The following BCAT1 variants were observed in gnomAD, a reference collection of about 807,000 sequenced individuals.
The protein encoded by BCAT1 is branched-chain-amino-acid aminotransferase, cytosolic.
A neutral mutation model predicts 52.4 loss-of-function variants in BCAT1; 48 were observed. That is an observed-to-expected ratio of 0.92 (90% confidence interval 0.73 to 1.16). The LOEUF (loss-of-function observed/expected upper bound fraction) is 1.16, where lower values mean the gene tolerates loss of function less well. Among genes scored for constraint, BCAT1 ranks in the 50% most tolerant of loss-of-function variants. BCAT1 has a pLI of 0.00. For synonymous variants in BCAT1, 167 were observed against 161.3 expected, an observed-to-expected ratio of 1.04 and a Z score of -0.27; for missense variants, 451 against 457.1, an observed-to-expected ratio of 0.99 and a Z score of 0.12.
At chr12:24,830,158 T>C (rs935460444) in intron 9 of BCAT1, 2 of 319,322 alleles carry the variant, frequency 6.3e-6, no homozygotes, top group Admixed American at 5.0e-5. Context: ...TATACCAGCC[T>C]TCAGGATCAT....
intron 7 of BCAT1, among the ~76,000 whole-genome samples, chr12:24,837,423 C>A (rs1941026960): frequency 6.7e-6 from 1 of 149,848 alleles, no homozygotes; most frequent in African/African-American, 2.4e-5. Flanking sequence ...CCACGCTGCC[C>A]TTGGAAAGTC....
intron 10 of BCAT1, among the ~76,000 whole-genome samples, chr12:24,818,663 T>C (rs1459708159): frequency 6.6e-6 from 1 of 152,196 alleles, no homozygotes; most frequent in African/African-American, 2.4e-5. Context: ...AGAGACTCTG[T>C]TCTCTAAATC....
intron 1 of BCAT1, among the ~76,000 whole-genome samples, chr12:24,918,036 A>G (rs146640592): frequency 1.2e-3 from 184 of 152,342 alleles, no homozygotes; most frequent in African/African-American, 4.1e-3. Flanking sequence ...AGAAAGAAGC[A>G]AAGTCTCACT....
Position 24,810,254 on chromosome 12 carries a change from A to G in BCAT1, c.*7754T>C, listed in dbSNP as rs2255206. 0.61 allele frequency: 93,400 copies of G among 151,956 alleles called. 29,112 individuals carry two copies. Among genetic ancestry groups the G allele is most frequent in the Non-Finnish European group, 0.65 (44,004 of 67,946 alleles). 9.4% of individuals were successfully genotyped at this position (151,956 alleles called of 1,614,324 possible). On this transcript the variant is annotated 3_prime_UTR_variant, in exon 11 of 11. Coordinates refer to ENST00000261192, the MANE Select transcript of BCAT1 (RefSeq NM_005504.7). ...CAGAAATGCGATCCTGCAAGTTGTC[A>G]CCACTATACATAAAGTCAGGCTATG...
At chr12:24,937,513 TTTG>T (rs1345987783) in intron 1 of BCAT1, among the ~76,000 whole-genome samples, 4 of 146,386 alleles carry the variant, frequency 2.7e-5, no homozygotes, top group Non-Finnish European at 4.7e-5. Context: ...TTTTTGTTTG[TTTG>T]TTTGTTTGCT....
rs71448094 is a variant in BCAT1, at chr12:24,898,520, C to CTTTTTTTTTTTTTTTTTTTTTTTT, written c.78+3270_78+3293dup. 3.9e-4 allele frequency among the ~76,000 whole-genome samples: 15 copies of CTTTTTTTTTTTTTTTTTTTTTTTT among 38,526 alleles called. 5 individuals carry two copies. The highest frequency in any genetic ancestry group is 1.0e-3 in the Admixed American group (2 of 1,982). The allele number at this position is 38,526 out of a possible 152,430, so 25.3% of individuals were successfully genotyped here. On this transcript the variant is annotated intron_variant, in intron 2 of 10. Transcript: ENST00000261192. ...TGTTTCAGCCAGGGTTCAGTCAACA[C>CTTTTTTTTTTTTTTTTTTTTTTTT]TTTTTTTTTTTTTTTTTTTTTTTTT...
At chr12:24,940,314 TCG>T (rs142166817) in intron 1 of BCAT1, among the ~76,000 whole-genome samples, 5,882 of 152,294 alleles carry the variant, frequency 0.039, 121 homozygotes, top group South Asian at 0.067. Context: ...ATTTCAAGCT[TCG>T]AAGTGTTGTC....
At chr12:24,898,029 A>G (rs1240180902) in intron 2 of BCAT1, among the ~76,000 whole-genome samples, 1 of 152,206 alleles carries the variant, frequency 6.6e-6, no homozygotes, top group East Asian at 1.9e-4. Context: ...AGAATTGAAT[A>G]AAGTTCAAAC....
rs961035501 is a variant in BCAT1, at chr12:24,836,572, A to G, written c.842T>C (p.Leu281Pro). The G allele has an allele frequency of 1.2e-6, 2 of 1,612,550 alleles. No individual in the cohort carries two copies. The highest frequency in any genetic ancestry group is 2.7e-5 in the African/African-American group (2 of 74,906). The change falls in exon 8 of 11, where the codon CTA (leucine) becomes CCA (proline). Residue 281 changes from leucine (L) to proline (P), a missense_variant. Transcript: ENST00000261192. ...CACTCCTGGAAGAATGATGCCATCT[A>G]GTGGAGGAGTTGCCAGTTCTTCTTC... ...DGEEELATPPLDGIILPGVTR... is the reference protein window; with the variant it reads ...DGEEELATPPPDGIILPGVTR...
At position 24,836,664 on chromosome 12, in the gene BCAT1, AT is replaced by A. The variant is rs547834645; in HGVS notation, c.818-69del. 2,063 of 1,297,872 alleles carry A rather than the reference AT, an allele frequency of 1.6e-3. 6 individuals carry two copies. The highest frequency in any genetic ancestry group is 2.0e-3 in the Non-Finnish European group (1,871 of 916,832). The allele number at this position is 1,297,872 out of a possible 1,614,324, so 80.4% of individuals were successfully genotyped here. On this transcript the variant is annotated intron_variant, in intron 7 of 10. Coordinates refer to ENST00000261192, the MANE Select transcript of BCAT1 (RefSeq NM_005504.7). ...TAGGCATGCCTTATTATCAATAGCC[AT>A]TTTTTTAAAAAACCATCACAATTTT...
At chr12:24,841,579 C>T (rs947832246) in intron 7 of BCAT1, among the ~76,000 whole-genome samples, 6 of 152,040 alleles carry the variant, frequency 3.9e-5, no homozygotes, top group South Asian at 4.1e-4. Context: ...AAACAAAAAA[C>T]GAAAAACAAA....
At chr12:24,847,141 C>T (rs750362505) in intron 6 of BCAT1, among the ~76,000 whole-genome samples, 2 of 152,202 alleles carry the variant, frequency 1.3e-5, no homozygotes, top group Non-Finnish European at 2.9e-5. Flanking sequence ...AATGAGGAAA[C>T]TGATACATAG....
chr12:24,856,266 C>T (rs1941678874), intron 5 of BCAT1, among the ~76,000 whole-genome samples: 1 of 152,082 alleles, frequency 6.6e-6, no homozygotes, highest in Non-Finnish European at 1.5e-5. Context: ...CTCTACACAC[C>T]CCACGCTCAA....
At chr12:24,882,759 C>T (rs1942539753) in intron 3 of BCAT1, among the ~76,000 whole-genome samples, 1 of 151,766 alleles carries the variant, frequency 6.6e-6, no homozygotes. Context: ...CCACCACGCC[C>T]AAGTTAATTT....
chr12:24,824,389 C>A (rs1256003278), intron 10 of BCAT1, among the ~76,000 whole-genome samples: 2 of 151,874 alleles, frequency 1.3e-5, no homozygotes, highest in East Asian at 3.9e-4. Flanking sequence ...GTCTCACATT[C>A]CTGGCCTCAA....
At chr12:24,886,527 C>T (rs1481214163) in intron 3 of BCAT1, among the ~76,000 whole-genome samples, 1 of 152,176 alleles carries the variant, frequency 6.6e-6, no homozygotes, top group African/African-American at 2.4e-5. Context: ...GACAATCACA[C>T]AACTCCTTTT....
chr12:24,820,698 G>T (rs928410461), intron 10 of BCAT1, among the ~76,000 whole-genome samples: 1 of 152,128 alleles, frequency 6.6e-6, no homozygotes, highest in African/African-American at 2.4e-5. Context: ...GAGCCCATGT[G>T]GAAGACTTAA....
At chr12:24,818,571 T>A (rs1566549367) in intron 10 of BCAT1, among the ~76,000 whole-genome samples, 2 of 152,148 alleles carry the variant, frequency 1.3e-5, no homozygotes, top group Non-Finnish European at 2.9e-5. Context: ...TCAGCAAGCA[T>A]CAAATGATTC....
At chr12:24,919,104 T>C (rs757400043) in intron 1 of BCAT1, among the ~76,000 whole-genome samples, 35 of 152,226 alleles carry the variant, frequency 2.3e-4, no homozygotes, top group Non-Finnish European at 4.1e-4. Flanking sequence ...TTATAACACA[T>C]GCATACACAC....
Sources: allele counts gnomAD v4.1 joint callset (sites outside exome capture counted in the v4.1 genomes callset), GRCh38; gene constraint gnomAD v4.1.1; transcripts MANE v1.5; gene names NCBI Gene and HGNC (gene_info 2026-07-23, HGNC 2026-07-21).